The following CFAP20DC variants were observed in gnomAD, a reference collection of about 807,000 sequenced individuals.
CFAP20DC encodes protein CFAP20DC.
CFAP20DC carries 84 observed loss-of-function variants against 101.7 expected under a neutral mutation model. The ratio of observed to expected loss-of-function variants is 0.83; its 90% CI spans 0.69 to 0.99. CFAP20DC has a LOEUF of 0.99. CFAP20DC is among the 50% of genes least tolerant of loss of function. The pLI is 0.00. For synonymous variants in CFAP20DC, 359 were observed against 351.2 expected (o/e 1.02, Z -0.25); for missense variants, 1,007 against 970.3 (o/e 1.04, Z -0.50).
Position 58,869,327 on chromosome 3 carries a change from C to T in CFAP20DC, c.1015+1G>A, listed in dbSNP as rs776444848. ...AATCTTTATGCATGATTATTTCTTACCATGAATAGGTACAGTCTGCTTTAT... is the reference window on the plus strand; with the variant it reads ...AATCTTTATGCATGATTATTTCTTATCATGAATAGGTACAGTCTGCTTTAT... On this transcript the variant is annotated splice_donor_variant, in intron 9 of 16. Transcript: ENST00000482387. LOFTEE classifies it high-confidence loss of function. The surrounding 1 kb of genome is among the most constrained non-coding windows in gnomAD (Gnocchi z 4.3). 3 of 1,605,620 alleles carry T rather than the reference C, an allele frequency of 1.9e-6. No individual in the cohort carries two copies. Among genetic ancestry groups the T allele is most frequent in the African/African-American group, 1.3e-5 (1 of 74,722 alleles).
intron 4 of CFAP20DC, among the ~76,000 whole-genome samples, chr3:58,956,381 G>A (rs2090633520): frequency 6.6e-6 from 1 of 152,044 alleles, no homozygotes; most frequent in African/African-American, 2.4e-5. Flanking sequence ...GGGAACATCA[G>A]CAGCAGTCTA....
At chr3:58,996,618 A>G (rs2093142855) in intron 4 of CFAP20DC, among the ~76,000 whole-genome samples, 1 of 152,234 alleles carries the variant, frequency 6.6e-6, no homozygotes, top group Admixed American at 6.5e-5. Context: ...CAGGAAAACA[A>G]AAAGTGTGCT....
chr3:58,774,876 C>T (rs966159408), intron 15 of CFAP20DC, among the ~76,000 whole-genome samples: 4 of 152,152 alleles, frequency 2.6e-5, no homozygotes, highest in African/African-American at 9.7e-5. Flanking sequence ...CAAACGCTGT[C>T]TGGAGTTTTA....
Position 58,863,146 on chromosome 3 carries a change from G to A in CFAP20DC, c.1593+412C>T, listed in dbSNP as rs2108466330. 1 of 1,067,874 alleles carries A rather than the reference G, an allele frequency of 9.4e-7. No individual in the cohort carries two copies. The highest frequency in any genetic ancestry group is 4.0e-5 in the South Asian group (1 of 25,288). The allele number at this position is 1,067,874 out of a possible 1,614,324, so 66.1% of individuals were successfully genotyped here. ...GGTCTAAGGTGAAAAGATGGCAGGG[G>A]AGTAAGGAAGCCAGAAAACCATCAA... On this transcript the variant is annotated intron_variant, in intron 12 of 16. Transcript: ENST00000482387. The surrounding 1 kb of genome is among the most constrained non-coding windows in gnomAD (Gnocchi z 5.9).
At chr3:58,837,547 A>C (rs988835369) in intron 13 of CFAP20DC, among the ~76,000 whole-genome samples, 1 of 152,314 alleles carries the variant, frequency 6.6e-6, no homozygotes, top group East Asian at 1.9e-4. Flanking sequence ...GGGTGTGTTC[A>C]GTTTGTGAAA....
At position 58,868,741 on chromosome 3, in the gene CFAP20DC, T is replaced by C. The variant is rs2079896585; in HGVS notation, c.1015+587A>G. The stretch of plus-strand genomic sequence containing the variant: ...TAATATAAAATGAACTTAAATGTCC[T>C]CCCTTTTCAACTCTCAGTAAAGTCA... On this transcript the variant is annotated intron_variant, in intron 9 of 16. Transcript: ENST00000482387. This position sits in a 1 kb window ranked among gnomAD's most constrained non-coding sequence, Gnocchi z 4.6. Among the ~76,000 whole-genome samples, 2 of 152,178 alleles carry C rather than the reference T, an allele frequency of 1.3e-5. No individual in the cohort carries two copies. The highest frequency in any genetic ancestry group is 2.9e-5 in the Non-Finnish European group (2 of 68,010).
At chr3:58,990,550 T>C (rs947122393) in intron 4 of CFAP20DC, among the ~76,000 whole-genome samples, 1 of 152,178 alleles carries the variant, frequency 6.6e-6, no homozygotes, top group African/African-American at 2.4e-5. Flanking sequence ...TGTTACTTTC[T>C]TAGAGGTACT....
downstream of CFAP20DC, among the ~76,000 whole-genome samples, chr3:58,716,453 G>A (rs190273717): frequency 2.6e-4 from 39 of 151,928 alleles, no homozygotes; most frequent in South Asian, 5.6e-3. Context: ...ATGAGCCACC[G>A]CGCCCGGCCT....
chr3:58,993,601 A>G (rs1000509329), intron 4 of CFAP20DC, among the ~76,000 whole-genome samples: 1 of 151,722 alleles, frequency 6.6e-6, no homozygotes, highest in Admixed American at 6.6e-5. Context: ...CCATCCTCCA[A>G]CAGGCCCTAG....
At chr3:58,972,189 T>G (rs1265959763) in intron 4 of CFAP20DC, among the ~76,000 whole-genome samples, 2 of 152,174 alleles carry the variant, frequency 1.3e-5, no homozygotes, top group Non-Finnish European at 2.9e-5. Context: ...ACAAAGGAAC[T>G]GCAGATAGGG....
intron 4 of CFAP20DC, among the ~76,000 whole-genome samples, chr3:58,949,719 C>A (rs192161378): frequency 1.3e-5 from 2 of 152,026 alleles, no homozygotes; most frequent in Non-Finnish European, 2.9e-5. Flanking sequence ...ATTCAAAAAC[C>A]CTTCATGCTA....
chr3:58,853,594 T>C (rs1330049077), intron 12 of CFAP20DC, among the ~76,000 whole-genome samples: 1 of 151,950 alleles, frequency 6.6e-6, no homozygotes, highest in Non-Finnish European at 1.5e-5. Context: ...AATAAAATAC[T>C]GGCAAACCGA....
At chr3:58,904,506 G>T (rs1324633803) in intron 6 of CFAP20DC, among the ~76,000 whole-genome samples, 1 of 152,092 alleles carries the variant, frequency 6.6e-6, no homozygotes, top group Non-Finnish European at 1.5e-5. Flanking sequence ...GGAAGGTATA[G>T]AAATAGAGCC....
chr3:58,975,021 G>A (rs1236070456), intron 4 of CFAP20DC, among the ~76,000 whole-genome samples: 3 of 152,090 alleles, frequency 2.0e-5, no homozygotes, highest in Non-Finnish European at 2.9e-5. Flanking sequence ...GTAGGAGTTC[G>A]GCAAACACAG....
At position 58,863,463 on chromosome 3, in the gene CFAP20DC, T is replaced by G; in HGVS notation, c.1593+95A>C. 6.6e-7 allele frequency: 1 copy of G among 1,522,730 alleles called. No individual in the cohort carries two copies. Among genetic ancestry groups the G allele is most frequent in the African/African-American group, 1.4e-5 (1 of 72,614 alleles). 94.3% of individuals were successfully genotyped at this position (1,522,730 alleles called of 1,614,324 possible). On this transcript the variant is annotated intron_variant, in intron 12 of 16. Coordinates refer to ENST00000482387, the MANE Select transcript of CFAP20DC (RefSeq NM_001394063.1). The surrounding 1 kb of genome is among the most constrained non-coding windows in gnomAD (Gnocchi z 5.9). Reference sequence around the variant, plus strand: ...CTGTTGCATTTTTATAAATAGCAGTTGATTTTCCCTCTTTCATTTCAACTT... The same window carrying G: ...CTGTTGCATTTTTATAAATAGCAGTGGATTTTCCCTCTTTCATTTCAACTT...
intron 15 of CFAP20DC, among the ~76,000 whole-genome samples, chr3:58,785,301 G>T (rs2072235818): frequency 6.6e-6 from 1 of 152,160 alleles, no homozygotes; most frequent in Non-Finnish European, 1.5e-5. Context: ...TAGGAGCGGG[G>T]ATGAAGACAG....
At chr3:59,019,814 G>C (rs933531335) in intron 4 of CFAP20DC, among the ~76,000 whole-genome samples, 1 of 152,054 alleles carries the variant, frequency 6.6e-6, no homozygotes, top group African/African-American at 2.4e-5. Flanking sequence ...GGATAGCTAA[G>C]GGTCTGCAAG....
At chr3:58,820,167 C>A (rs1356669726) in intron 14 of CFAP20DC, among the ~76,000 whole-genome samples, 1 of 151,916 alleles carries the variant, frequency 6.6e-6, no homozygotes, top group Non-Finnish European at 1.5e-5. Context: ...CTATCTATGA[C>A]AAACCCACAG....
At chr3:58,916,734 C>T (rs1056199525) in intron 5 of CFAP20DC, among the ~76,000 whole-genome samples, 5 of 152,054 alleles carry the variant, frequency 3.3e-5, no homozygotes, top group African/African-American at 1.2e-4. Flanking sequence ...TCCCCCTTGG[C>T]TAGAGGAAAC....
Sources: gnomAD v4.1 joint callset for allele counts (sites outside exome capture counted in the v4.1 genomes callset) on GRCh38, gnomAD v4.1.1 for gene constraint, Gnocchi (gnomAD v3.1) non-coding constraint, MANE v1.5 for transcripts, NCBI Gene and HGNC (gene_info 2026-07-23, HGNC 2026-07-21) for gene names.